Variants in DCC observed in about 807,000 individuals in gnomAD.
The protein encoded by DCC is netrin receptor DCC.
A neutral mutation model predicts 172.5 loss-of-function variants in DCC; 58 were observed. The observed-to-expected ratio is 0.34, with a 90% CI of 0.27 to 0.42. The LOEUF is 0.42. Among genes scored for constraint, DCC ranks in the 10% least tolerant of loss-of-function variants. The pLI, the probability that DCC is intolerant of heterozygous loss-of-function variation, is 1.00. For synonymous variants in DCC, 709 were observed against 644.5 expected, an observed-to-expected ratio of 1.10 and a Z score of -1.52; for missense variants, 1,740 against 1,791.0, an observed-to-expected ratio of 0.97 and a Z score of 0.51.
At position 52,747,186 on chromosome 18, in the gene DCC, G is replaced by A. The variant is rs372923046; in HGVS notation, c.92-4868G>A. Among the ~76,000 whole-genome samples, 54 of 152,270 alleles carry A rather than the reference G, an allele frequency of 3.5e-4. No homozygotes were observed. The South Asian group carries it at 6.6e-3, about 19-fold the overall frequency. On this transcript the variant is annotated intron_variant, in intron 1 of 28. Coordinates refer to ENST00000442544, the MANE Select transcript of DCC (RefSeq NM_005215.4). ...ATGGTGAACTCTGATGTCAGACTCC[G>A]TTGTGTAAGTTTCTTAATGGATGAG...
At chr18:53,060,583 G>A (rs1280356363) in intron 5 of DCC, among the ~76,000 whole-genome samples, 1 of 152,090 alleles carries the variant, frequency 6.6e-6, no homozygotes, top group Non-Finnish European at 1.5e-5. Flanking sequence ...AATTGTTGAG[G>A]CATCCCTGTG....
chr18:53,096,153 A>G (rs982256936), intron 7 of DCC, among the ~76,000 whole-genome samples: 1 of 152,020 alleles, frequency 6.6e-6, no homozygotes, highest in Non-Finnish European at 1.5e-5. Flanking sequence ...CTTAAAGTAT[A>G]GTAATAATAA....
intron 23 of DCC, among the ~76,000 whole-genome samples, chr18:53,458,425 T>A (rs1049277951): frequency 1.3e-5 from 2 of 152,218 alleles, no homozygotes; most frequent in Non-Finnish European, 2.9e-5. Context: ...CAGATTTGGC[T>A]TGCAAACTGT....
At chr18:53,288,122 CTG>C (rs1022601014) in intron 12 of DCC, among the ~76,000 whole-genome samples, 5 of 152,044 alleles carry the variant, frequency 3.3e-5, no homozygotes, top group Non-Finnish European at 7.4e-5. Flanking sequence ...TTTAGAAAAA[CTG>C]TGTTTGGAGC....
intron 2 of DCC, among the ~76,000 whole-genome samples, chr18:52,846,883 G>C (rs772985311): frequency 3.0e-4 from 46 of 152,198 alleles, no homozygotes; most frequent in Non-Finnish European, 5.9e-4. Flanking sequence ...GTTCAGGCAG[G>C]GGGCGAGCAC....
In DCC at chr18:53,246,970, G is replaced by A. The variant is rs1303124682; in HGVS notation, c.1911+31373G>A. Reference sequence around the variant, plus strand: ...TGATGGTTGGGTTTCATATAAGGTGGTGGGAACCAAGGAACTTGAGTGTTC... The same window carrying A: ...TGATGGTTGGGTTTCATATAAGGTGATGGGAACCAAGGAACTTGAGTGTTC... On this transcript the variant is annotated intron_variant, in intron 12 of 28. Coordinates refer to ENST00000442544, the MANE Select transcript of DCC (RefSeq NM_005215.4). Among the ~76,000 whole-genome samples, 5 of 152,162 alleles carry A rather than the reference G, an allele frequency of 3.3e-5. No individual in the cohort carries two copies. The East Asian group carries it at 9.7e-4, about 29-fold the overall frequency.
intron 2 of DCC, among the ~76,000 whole-genome samples, chr18:52,820,465 G>GT: frequency 6.6e-6 from 1 of 151,858 alleles, no homozygotes; most frequent in East Asian, 1.9e-4. Flanking sequence ...TGTTTTTAAT[G>GT]TTTTTGTAAC....
intron 5 of DCC, among the ~76,000 whole-genome samples, chr18:53,024,947 A>G (rs569181944): frequency 6.5e-4 from 99 of 152,308 alleles, no homozygotes; most frequent in African/African-American, 2.3e-3. Flanking sequence ...AAACATTATC[A>G]TTGTAAATTT....
At chr18:52,566,887 G>A (rs866180238) in intron 1 of DCC, among the ~76,000 whole-genome samples, 9 of 151,912 alleles carry the variant, frequency 5.9e-5, no homozygotes, top group African/African-American at 1.9e-4. Context: ...ACTATATGAC[G>A]TACCATAAAA....
At chr18:53,458,636 G>A (rs1022969995) in intron 23 of DCC, among the ~76,000 whole-genome samples, 1 of 152,202 alleles carries the variant, frequency 6.6e-6, no homozygotes, top group African/African-American at 2.4e-5. Flanking sequence ...CCTTTCAAAG[G>A]ATCTGTCTCA....
At chr18:53,285,659 G>A (rs1394393492) in intron 12 of DCC, among the ~76,000 whole-genome samples, 2 of 152,218 alleles carry the variant, frequency 1.3e-5, no homozygotes, top group Admixed American at 1.3e-4. Context: ...GTGGAGCTAT[G>A]AGAAGAGCAC....
intron 12 of DCC, among the ~76,000 whole-genome samples, chr18:53,245,167 AG>A (rs2056351192): frequency 6.6e-6 from 1 of 152,150 alleles, no homozygotes; most frequent in Non-Finnish European, 1.5e-5. Flanking sequence ...TTTGCAGAAA[AG>A]AAGCTGAAAC....
intron 5 of DCC, among the ~76,000 whole-genome samples, chr18:52,957,753 CT>C (rs889979099): frequency 1.4e-4 from 21 of 152,134 alleles, no homozygotes; most frequent in Admixed American, 1.4e-3. Context: ...TAGAGAGTAC[CT>C]TGTGCTCCAT....
chr18:53,464,935 C>T (rs901161787), intron 24 of DCC, among the ~76,000 whole-genome samples: 16 of 140,226 alleles, frequency 1.1e-4, no homozygotes, highest in Middle Eastern at 3.8e-3. Flanking sequence ...GCTGAGATCA[C>T]GCCACTGCAC....
intron 5 of DCC, among the ~76,000 whole-genome samples, chr18:53,055,323 A>G (rs1271983181): frequency 1.3e-5 from 2 of 152,156 alleles, no homozygotes; most frequent in African/African-American, 4.8e-5. Context: ...CATGTATAAA[A>G]GTAAATATCC....
chr18:52,716,076 C>A (rs1321152434), intron 1 of DCC, among the ~76,000 whole-genome samples: 2 of 152,192 alleles, frequency 1.3e-5, no homozygotes, highest in African/African-American at 2.4e-5. Context: ...ACCTTGGGAG[C>A]CACTGCAGTG....
intron 2 of DCC, among the ~76,000 whole-genome samples, chr18:52,866,736 T>C (rs945823554): frequency 2.6e-5 from 4 of 152,232 alleles, no homozygotes; most frequent in African/African-American, 9.6e-5. Flanking sequence ...TGATTTTGTA[T>C]CCGGAGACTT....
At chr18:53,496,955 A>C (rs1367901023) in intron 26 of DCC, among the ~76,000 whole-genome samples, 1 of 152,208 alleles carries the variant, frequency 6.6e-6, no homozygotes, top group African/African-American at 2.4e-5. Context: ...AGGAAATAAA[A>C]CATCATAAAC....
At chr18:52,670,846 G>GAA (rs569848425) in intron 1 of DCC, among the ~76,000 whole-genome samples, 1 of 143,700 alleles carries the variant, frequency 7.0e-6, no homozygotes, top group Non-Finnish European at 1.5e-5. Context: ...ATCTCAAAAA[G>GAA]AAAAAAAAAA....
Sources: gnomAD v4.1 joint callset for allele counts (sites outside exome capture counted in the v4.1 genomes callset) on GRCh38, gnomAD v4.1.1 for gene constraint, MANE v1.5 for transcripts, NCBI Gene and HGNC (gene_info 2026-07-23, HGNC 2026-07-21) for gene names.